The following CNTN3 variants were observed in gnomAD, a reference collection of about 807,000 sequenced individuals.
The protein encoded by CNTN3 is contactin 3.
A neutral mutation model predicts 119.1 loss-of-function variants in CNTN3; 60 were observed. The ratio of observed to expected loss-of-function variants is 0.50; its 90% CI spans 0.41 to 0.62. The LOEUF (loss-of-function observed/expected upper bound fraction) is 0.62. Among genes scored for constraint, CNTN3 ranks in the 20% least tolerant of loss-of-function variants. CNTN3 has a pLI of 0.00. For synonymous variants in CNTN3, 450 were observed against 438.7 expected (o/e 1.03, Z -0.32); for missense variants, 1,101 against 1,242.4 (o/e 0.89, Z 1.71).
intron 1 of CNTN3, among the ~76,000 whole-genome samples, chr3:74,604,215 G>A (rs1386490309): frequency 6.6e-6 from 1 of 152,084 alleles, no homozygotes; most frequent in Non-Finnish European, 1.5e-5. Context: ...ACTACTAGAA[G>A]GAAGCACAGG....
At chr3:74,273,965 G>A (rs1049353983) in intron 20 of CNTN3, among the ~76,000 whole-genome samples, 3 of 152,152 alleles carry the variant, frequency 2.0e-5, no homozygotes, top group African/African-American at 7.2e-5. Flanking sequence ...TTTGCTGTCA[G>A]TGGGGGCACA....
At chr3:74,353,203 C>G (rs1703856188) in intron 11 of CNTN3, among the ~76,000 whole-genome samples, 1 of 152,132 alleles carries the variant, frequency 6.6e-6, no homozygotes, top group Non-Finnish European at 1.5e-5. Context: ...GACAGAGTTT[C>G]TAGACACATC....
In CNTN3 at chr3:74,554,358, T is replaced by G. The variant is rs571980058; in HGVS notation, c.-80-33166A>C. Among the ~76,000 whole-genome samples the G allele has an allele frequency of 2.6e-5, 4 of 152,310 alleles. No homozygotes were observed. The South Asian group carries it at 6.2e-4, about 24-fold the overall frequency. ...GTTTGAAGTCAGGTAGTGTGATGCCTCCAGCTTTGTTCTTCTTGTCCAGGA... is the reference window on the plus strand; with the variant it reads ...GTTTGAAGTCAGGTAGTGTGATGCCGCCAGCTTTGTTCTTCTTGTCCAGGA... On this transcript the variant is annotated intron_variant, in intron 1 of 22. Transcript: ENST00000263665.
chr3:74,573,262 G>A lies in CNTN3; in HGVS notation c.-81+41129C>T, dbSNP rs548243811. Reference sequence around the variant, plus strand: ...AGGACTGGCAAAGCAGACAGTGTCCGAGGGTGCACAATTGAAGAGTGCTTT... The same window carrying A: ...AGGACTGGCAAAGCAGACAGTGTCCAAGGGTGCACAATTGAAGAGTGCTTT... On this transcript the variant is annotated intron_variant, in intron 1 of 22. Transcript: ENST00000263665. Among the ~76,000 whole-genome samples, 27 of 152,094 alleles carry A rather than the reference G, an allele frequency of 1.8e-4. No homozygotes were observed. The South Asian group carries it at 3.5e-3, about 20-fold the overall frequency.
chr3:74,395,108 A>AT (rs1427052649), intron 5 of CNTN3, among the ~76,000 whole-genome samples: 1 of 152,122 alleles, frequency 6.6e-6, no homozygotes, highest in Non-Finnish European at 1.5e-5. Flanking sequence ...TAGAGTATTT[A>AT]TTGCTTCCCT....
At chr3:74,414,042 G>A (rs1701480481) in intron 5 of CNTN3, among the ~76,000 whole-genome samples, 1 of 152,186 alleles carries the variant, frequency 6.6e-6, no homozygotes, top group Non-Finnish European at 1.5e-5. Context: ...GGTAAGAGAG[G>A]TGCTCAATCT....
intron 4 of CNTN3, among the ~76,000 whole-genome samples, chr3:74,484,544 A>C (rs1702817447): frequency 6.6e-6 from 1 of 152,216 alleles, no homozygotes; most frequent in Non-Finnish European, 1.5e-5. Context: ...ACTGTATACA[A>C]AATGTATAAG....
chr3:74,558,865 T>C (rs1328751096), intron 1 of CNTN3, among the ~76,000 whole-genome samples: 1 of 151,834 alleles, frequency 6.6e-6, no homozygotes, highest in East Asian at 1.9e-4. Context: ...ACACATGTAA[T>C]CCCAGCTGTT....
At chr3:74,378,871 T>C (rs1704543936) in intron 5 of CNTN3, among the ~76,000 whole-genome samples, 1 of 152,176 alleles carries the variant, frequency 6.6e-6, no homozygotes, top group Non-Finnish European at 1.5e-5. Flanking sequence ...TACCATGGTG[T>C]CCTAACTCCT....
chr3:74,438,844 A>C (rs886669853), intron 4 of CNTN3, among the ~76,000 whole-genome samples: 6 of 152,220 alleles, frequency 3.9e-5, no homozygotes, highest in Non-Finnish European at 8.8e-5. Flanking sequence ...ACTTCTATCA[A>C]TTATAGCAAT....
chr3:74,384,004 G>A (rs984125805), intron 5 of CNTN3, among the ~76,000 whole-genome samples: 1 of 152,184 alleles, frequency 6.6e-6, no homozygotes, highest in Admixed American at 6.6e-5. Context: ...CAAAGCTCAT[G>A]CCATAGTCCT....
At chr3:74,534,608 ATATACTGAATTTAATGAGTTAGCACTGCT>A (rs1703737835) in intron 1 of CNTN3, among the ~76,000 whole-genome samples, 1 of 152,072 alleles carries the variant, frequency 6.6e-6, no homozygotes, top group Non-Finnish European at 1.5e-5. Flanking sequence ...AACTATTCAG[ATATACTGAATTTAATGAGTTAGCACTGCT>A]TTGTAAAATG....
At chr3:74,466,807 C>T (rs11128389) in intron 4 of CNTN3, among the ~76,000 whole-genome samples, 23,767 of 151,940 alleles carry the variant, frequency 0.16, 2,285 homozygotes, top group East Asian at 0.46. Context: ...AAAAAAGATA[C>T]ATAAAAGAAA....
chr3:74,290,320 T>C (rs1702200000), intron 19 of CNTN3, among the ~76,000 whole-genome samples: 1 of 152,244 alleles, frequency 6.6e-6, no homozygotes, highest in Admixed American at 6.5e-5. Flanking sequence ...TACATTTTTG[T>C]ATATTCAAAC....
intron 5 of CNTN3, among the ~76,000 whole-genome samples, chr3:74,419,728 A>T (rs1285971152): frequency 1.3e-5 from 2 of 152,196 alleles, no homozygotes; most frequent in East Asian, 3.8e-4. Flanking sequence ...CTCAGAATAA[A>T]TTTCTATCAG....
chr3:74,558,802 T>C (rs780780962), intron 1 of CNTN3, among the ~76,000 whole-genome samples: 7 of 151,856 alleles, frequency 4.6e-5, no homozygotes, highest in Non-Finnish European at 8.8e-5. Context: ...TCCAACGTGG[T>C]AAAACCCTAT....
At chr3:74,331,034 A>T (rs1401722619) in intron 13 of CNTN3, among the ~76,000 whole-genome samples, 2 of 152,308 alleles carry the variant, frequency 1.3e-5, no homozygotes, top group Admixed American at 6.5e-5. Context: ...TTTATTATTG[A>T]AGAAAGAAAA....
chr3:74,526,047 A>G (rs1476911797), intron 1 of CNTN3, among the ~76,000 whole-genome samples: 1 of 151,920 alleles, frequency 6.6e-6, no homozygotes, highest in Non-Finnish European at 1.5e-5. Flanking sequence ...CTTTCAGATA[A>G]CATGTACCTA....
At chr3:74,596,534 A>G (rs538313060) in intron 1 of CNTN3, among the ~76,000 whole-genome samples, 19 of 152,274 alleles carry the variant, frequency 1.2e-4, no homozygotes, top group African/African-American at 3.1e-4. Context: ...ATAATGCCAC[A>G]TATCTACAAC....
Sources: allele counts gnomAD v4.1 joint callset (sites outside exome capture counted in the v4.1 genomes callset), GRCh38; gene constraint gnomAD v4.1.1; transcripts MANE v1.5; gene names NCBI Gene and HGNC (gene_info 2026-07-23, HGNC 2026-07-21).